DMD: variants seen among roughly 807,000 people sequenced by gnomAD.
The protein encoded by DMD is dystrophin.
A neutral mutation model predicts 330.1 loss-of-function variants in DMD; 63 were observed. That is an observed-to-expected ratio of 0.19 (90% CI 0.16 to 0.24). The LOEUF is 0.24. Ranked by LOEUF, DMD falls within the 10% of genes least tolerant of loss-of-function variation. DMD has a pLI of 1.00. For missense variants in DMD, 3,344 were observed against 2,684.1 expected (o/e 1.25, Z -5.43); for synonymous variants, 1,223 against 959.8 (o/e 1.27, Z -5.07).
At chrX:33,335,319 T>C (rs1365709262) in intron 1 of DMD, among the ~76,000 whole-genome samples, 2 of 108,747 alleles carry the variant, frequency 1.8e-5, no homozygotes, top group Non-Finnish European at 3.8e-5. Flanking sequence ...CTAAAATTCG[T>C]TCTCATTTTT....
chrX:32,469,997 C>A (rs1345726939), intron 22 of DMD, among the ~76,000 whole-genome samples: 1 of 111,210 alleles, frequency 9.0e-6, no homozygotes, highest in Non-Finnish European at 1.9e-5. Flanking sequence ...GAGTTAACCT[C>A]AGTAAAATTC....
intron 40 of DMD, 130 bp downstream of exon 40, chrX:32,343,004 A>C (rs1484555051): frequency 1.5e-6 from 1 of 663,848 alleles, no homozygotes; most frequent in African/African-American, 2.2e-5. Context: ...ACAACACACA[A>C]TACAAGGAAA....
chrX:32,639,095 G>A (rs1012573079), intron 11 of DMD, among the ~76,000 whole-genome samples: 2 of 110,820 alleles, frequency 1.8e-5, no homozygotes, highest in African/African-American at 3.3e-5. Flanking sequence ...TTCCCTTACC[G>A]TCACAGAAGT....
intron 74 of DMD, among the ~76,000 whole-genome samples, chrX:31,149,048 G>T (rs2037075056): frequency 9.0e-6 from 1 of 111,581 alleles, no homozygotes; most frequent in Admixed American, 9.5e-5. Context: ...TTTATGTTTT[G>T]TTCACGAAAA....
intron 2 of DMD, among the ~76,000 whole-genome samples, chrX:32,854,525 C>T (rs190525857): frequency 3.8e-4 from 37 of 98,539 alleles, no homozygotes; most frequent in African/African-American, 1.4e-3. Context: ...TTGTGGGCTA[C>T]AGATAAATCA....
chrX:31,236,282 A>T (rs767879322), intron 63 of DMD, among the ~76,000 whole-genome samples: 1 of 112,457 alleles, frequency 8.9e-6, no homozygotes, highest in South Asian at 3.7e-4. Flanking sequence ...AAAAAATATC[A>T]ACTCCTCTGT....
chrX:31,530,146 T>A (rs35340632), intron 55 of DMD, among the ~76,000 whole-genome samples: 9,089 of 111,513 alleles, frequency 0.082, 286 homozygotes, highest in East Asian at 0.13. Context: ...GGGGCTCCCA[T>A]ACTAACCAAA....
At chrX:32,526,759 A>C (rs2046974863) in intron 17 of DMD, among the ~76,000 whole-genome samples, 1 of 112,408 alleles carries the variant, frequency 8.9e-6, no homozygotes, top group Admixed American at 9.4e-5. Flanking sequence ...AGAAGTTGTC[A>C]ATTTTGAATT....
rs1191662390 is a variant in DMD at position 32,823,205 on chromosome X, G to A, written c.357+90C>T. ...TATGGAGCAGGGTTTGTTATTGTTA[G>A]AAATACACATTTGTTTCACACGTCA... On this transcript the variant is annotated intron_variant, in intron 5 of 78. Coordinates refer to ENST00000357033, the MANE Select transcript of DMD (RefSeq NM_004006.3). The A allele has an allele frequency of 4.0e-6, 3 of 742,226 alleles. No homozygotes were observed. The African/African-American group carries it at 6.3e-5, about 15-fold the overall frequency. 61.2% of individuals were successfully genotyped at this position (742,226 alleles called of 1,213,427 possible).
intron 29 of DMD, among the ~76,000 whole-genome samples, chrX:32,428,174 G>A (rs753868234): frequency 4.5e-5 from 5 of 110,406 alleles, no homozygotes; most frequent in Admixed American, 2.9e-4. Context: ...CAGCCCTTCC[G>A]TCTCTTCTAC....
At chrX:33,138,356 T>C (rs2047623788) in intron 1 of DMD, among the ~76,000 whole-genome samples, 1 of 111,876 alleles carries the variant, frequency 8.9e-6, no homozygotes, top group Admixed American at 9.5e-5. Context: ...CACTCAGCTA[T>C]TATATTGGCA....
intron 13 of DMD, among the ~76,000 whole-genome samples, chrX:32,589,547 T>C (rs12156681): frequency 0.052 from 5,804 of 110,940 alleles, 139 homozygotes; most frequent in Non-Finnish European, 0.063. Flanking sequence ...TACATATATT[T>C]TTATATAGAC....
At chrX:31,333,165 A>ATT (rs751496251) in intron 61 of DMD, among the ~76,000 whole-genome samples, 1 of 112,182 alleles carries the variant, frequency 8.9e-6, no homozygotes, top group African/African-American at 3.2e-5. Flanking sequence ...GTGTTTTATC[A>ATT]TTATATACTA....
At position 31,447,303 on chromosome X, in the gene DMD, G is replaced by A. The variant is rs186971629; in HGVS notation, c.8938-2676C>T. Among the ~76,000 whole-genome samples the A allele has an allele frequency of 5.5e-3, 393 of 71,318 alleles. 2 individuals carry two copies. The Middle Eastern group carries it at 0.082, about 15-fold the overall frequency. 61.9% of individuals were successfully genotyped at this position (71,318 alleles called of 115,157 possible). A position where few individuals can be genotyped will look rare whatever the true frequency, so the allele number is the denominator to read the frequency against. ...TTTTTTTTTGCTTCTTTCAAGCAAT[G>A]ATAGTGGAAGTTCTCTGAACTAATC... On this transcript the variant is annotated intron_variant, in intron 59 of 78. Coordinates refer to ENST00000357033, the MANE Select transcript of DMD (RefSeq NM_004006.3).
chrX:32,335,848 CATGTT>C (rs1338107203), intron 41 of DMD, among the ~76,000 whole-genome samples: 1 of 102,875 alleles, frequency 9.7e-6, no homozygotes, highest in Non-Finnish European at 2.0e-5. Context: ...GCATATATAA[CATGTT>C]ATATTCAACG....
At chrX:31,171,918 C>G (rs2040039338) in intron 73 of DMD, among the ~76,000 whole-genome samples, 1 of 111,753 alleles carries the variant, frequency 8.9e-6, no homozygotes, top group South Asian at 3.7e-4. Flanking sequence ...CCCAACTAAC[C>G]TACCATATGT....
intron 43 of DMD, among the ~76,000 whole-genome samples, chrX:32,266,923 C>T (rs192859439): frequency 1.3e-4 from 14 of 111,791 alleles, no homozygotes; most frequent in East Asian, 5.6e-4. Context: ...TTTAGCTATG[C>T]GGTGATCTAT....
chrX:31,225,288 A>T (rs918970993), intron 63 of DMD, among the ~76,000 whole-genome samples: 3 of 112,381 alleles, frequency 2.7e-5, no homozygotes, highest in African/African-American at 9.7e-5. Flanking sequence ...ATTAATCAAA[A>T]AGCCTCATGC....
At chrX:32,252,793 A>AAT (rs1359167838) in intron 43 of DMD, among the ~76,000 whole-genome samples, 2 of 43,940 alleles carry the variant, frequency 4.6e-5, no homozygotes, top group Non-Finnish European at 6.6e-5. Context: ...AATATATATA[A>AAT]ATATATATAT....
Sources: gnomAD v4.1 joint callset for allele counts (sites outside exome capture counted in the v4.1 genomes callset) on GRCh38, gnomAD v4.1.1 for gene constraint, MANE v1.5 for transcripts, NCBI Gene and HGNC (gene_info 2026-07-23, HGNC 2026-07-21) for gene names.